RPP40: variants seen among roughly 807,000 people sequenced by gnomAD.
RPP40 encodes the protein ribonuclease P protein subunit p40.
A neutral mutation model predicts 42.5 loss-of-function variants in RPP40; 30 were observed. That is an observed-to-expected ratio of 0.71 (90% confidence interval 0.53 to 0.96). The LOEUF is 0.96. Among genes scored for constraint, RPP40 ranks in the 40% least tolerant of loss-of-function variants. RPP40 has a pLI of 0.00. For missense variants in RPP40, 426 were observed against 433.5 expected, an observed-to-expected ratio of 0.98 and a Z score of 0.15; for synonymous variants, 173 against 164.0, an observed-to-expected ratio of 1.05 and a Z score of -0.42.
chr6:4,995,182 C>A lies in RPP40; in HGVS notation c.988G>T (p.Gly330Cys), dbSNP rs150143939. 4.3e-6 allele frequency: 7 copies of A among 1,613,880 alleles called. No homozygotes were observed. The African/African-American group carries it at 8.0e-5, about 18-fold the overall frequency. Reference sequence around the variant, plus strand: ...AAATGTTCTCCTCCTTTTCGAAAACCATGTTCATTTTTTTCCCAAGAAACA... The same window carrying A: ...AAATGTTCTCCTCCTTTTCGAAAACAATGTTCATTTTTTTCCCAAGAAACA... ...SPVSWEKNEH[G>C]FRKGGEHLYN... is the part of the protein sequence containing the mutation. Residue 330 changes from glycine (G) to cysteine (C), a missense_variant, in exon 8 of 8, where the codon GGT becomes TGT. Gly to Cys is a radical substitution (Grantham distance 159). Coordinates refer to ENST00000380051, the MANE Select transcript of RPP40 (RefSeq NM_006638.4).
chr6:4,999,323 G>A (rs1476767240), intron 4 of RPP40, among the ~76,000 whole-genome samples: 8 of 117,464 alleles, frequency 6.8e-5, no homozygotes, highest in Admixed American at 1.1e-4. Context: ...TTTTTGAGAT[G>A]GACTCTCACT....
At chr6:4,999,244 T>G (rs898467738) in intron 4 of RPP40, among the ~76,000 whole-genome samples, 16 of 152,082 alleles carry the variant, frequency 1.1e-4, no homozygotes, top group African/African-American at 3.9e-4. Flanking sequence ...AGGAAATTCT[T>G]TATTAAGAAT....
In RPP40 at chr6:4,994,914, C is replaced by A; in HGVS notation, c.*164G>T. The A allele has an allele frequency of 1.6e-6, 1 of 625,338 alleles. No homozygotes were observed. Among genetic ancestry groups the A allele is most frequent in the Non-Finnish European group, 2.8e-6 (1 of 360,812 alleles). The allele number at this position is 625,338 out of a possible 1,614,324, so 38.7% of individuals were successfully genotyped here. A position where few individuals can be genotyped will look rare whatever the true frequency, so the allele number is the denominator to read the frequency against. On this transcript the variant is annotated 3_prime_UTR_variant, in exon 8 of 8. Transcript: ENST00000380051. ...GCTATTCACTGGACAGCAGGCCTTG[C>A]TGCCATCACAGATGGGTCTCAGGTG...
At chr6:4,998,950 A>G (rs1759463445) in intron 4 of RPP40, 109 bp from the exon 5 acceptor site, 1 of 700,516 alleles carries the variant, frequency 1.4e-6, no homozygotes, top group Non-Finnish European at 2.1e-6. Context: ...TTTTATGGAT[A>G]GTAAAATTAT....
At chr6:4,988,802 G>A in the RPP40 span, among the ~76,000 whole-genome samples, 1 of 152,266 alleles carries the variant, frequency 6.6e-6, no homozygotes, top group South Asian at 2.1e-4. Flanking sequence ...GTTTTTGTGT[G>A]AACATAAGTT....
At chr6:4,992,046 G>A (rs1759267560), downstream of RPP40, among the ~76,000 whole-genome samples, 1 of 152,120 alleles carries the variant, frequency 6.6e-6, no homozygotes, top group Non-Finnish European at 1.5e-5. Context: ...GCAGAAACGT[G>A]AGCCAATTAG....
chr6:5,001,329 C>T (rs1180438270), intron 2 of RPP40, among the ~76,000 whole-genome samples: 1 of 152,186 alleles, frequency 6.6e-6, no homozygotes, highest in Non-Finnish European at 1.5e-5. Context: ...AGAGTGGTGT[C>T]AGGCCTTGAA....
chr6:4,998,901 A>G (rs1759462405), intron 4 of RPP40, 60 bp from the exon 5 acceptor site: 31 of 1,079,064 alleles, frequency 2.9e-5, no homozygotes, highest in Non-Finnish European at 3.9e-5. Context: ...TCTACCATGG[A>G]AAAAGTGTTA....
intron 5 of RPP40, among the ~76,000 whole-genome samples, chr6:4,997,154 G>A (rs1053562612): frequency 6.6e-6 from 1 of 152,168 alleles, no homozygotes; most frequent in Non-Finnish European, 1.5e-5. Flanking sequence ...CGGTGTGATG[G>A]TTAATTTTAG....
chr6:4,991,982 C>T (rs1343312151), downstream of RPP40, among the ~76,000 whole-genome samples: 1 of 152,108 alleles, frequency 6.6e-6, no homozygotes, highest in Non-Finnish European at 1.5e-5. Flanking sequence ...ATTGAGTTTT[C>T]CTGAGGCCTC....
chr6:5,003,726 T>G, intron 1 of RPP40, 154 bp downstream of exon 1: 1 of 958,132 alleles, frequency 1.0e-6, no homozygotes, highest in Non-Finnish European at 1.5e-6. Context: ...CTTAGAGCAG[T>G]TAAGAGACTA....
chr6:5,000,796 CAGCATGCAGAAGACCA>C lies in RPP40; in HGVS notation c.269-181_269-166del, dbSNP rs1290139289. On this transcript the variant is annotated intron_variant, in intron 2 of 7. Transcript: ENST00000380051. Reference sequence around the variant, plus strand: ...CCAAACATCTGCTAAGGGTAAGCTGCAGCATGCAGAAGACCAAGCATGCAGAAGACCAAGCATGCAG... The same window carrying C: ...CCAAACATCTGCTAAGGGTAAGCTGCAGCATGCAGAAGACCAAGCATGCAG... 1.9e-4 allele frequency among the ~76,000 whole-genome samples: 29 copies of C among 152,000 alleles called. 1 individual carries two copies. Among genetic ancestry groups the C allele is most frequent in the Non-Finnish European group, 3.7e-4 (25 of 67,992 alleles).
chr6:5,000,743 C>T, intron 2 of RPP40, 112 bp from the exon 3 acceptor site: 1 of 713,652 alleles, frequency 1.4e-6, no homozygotes, highest in Non-Finnish European at 2.5e-6. Flanking sequence ...AGGTCAGTTT[C>T]TACCCCTGCT....
At chr6:4,989,324 T>C in the RPP40 span, among the ~76,000 whole-genome samples, 1,049 of 152,328 alleles carry the variant, frequency 6.9e-3, 10 homozygotes, top group Admixed American at 0.01. Flanking sequence ...ACTGTTGCTT[T>C]AGAATAACTC....
Position 4,999,021 on chromosome 6 carries a change from T to C in RPP40, c.434-180A>G, listed in dbSNP as rs76265368. 3.3e-5 allele frequency among the ~76,000 whole-genome samples: 5 copies of C among 152,348 alleles called. No homozygotes were observed. The East Asian group carries it at 9.6e-4, about 29-fold the overall frequency. On this transcript the variant is annotated intron_variant, in intron 4 of 7. Transcript: ENST00000380051. ...AAATAAGATCCCTTTGGTGGGCACTTCTAACCTTGAGAGCTAATAAAAACA... is the reference window on the plus strand; with the variant it reads ...AAATAAGATCCCTTTGGTGGGCACTCCTAACCTTGAGAGCTAATAAAAACA...
At chr6:5,001,315 TCA>T (rs1296427352) in intron 2 of RPP40, among the ~76,000 whole-genome samples, 11 of 152,294 alleles carry the variant, frequency 7.2e-5, no homozygotes, top group Admixed American at 2.0e-4. Context: ...TCCACGTAAT[TCA>T]CAGAGTGGTG....
At chr6:5,003,776 G>C in intron 1 of RPP40, 104 bp downstream of exon 1, 1 of 1,383,526 alleles carries the variant, frequency 7.2e-7, no homozygotes, top group Non-Finnish European at 9.6e-7. Context: ...GCCCCTCCGC[G>C]TACCGCCGGC....
At chr6:4,995,392 T>TA in intron 7 of RPP40, 116 bp from the exon 8 acceptor site, 1 of 741,406 alleles carries the variant, frequency 1.3e-6, no homozygotes, top group South Asian at 2.0e-5. Flanking sequence ...GCTTAGATCT[T>TA]AGCTTTAATT....
chr6:4,996,128 A>G, intron 6 of RPP40, 43 bp from the exon 7 acceptor site: 1 of 1,607,048 alleles, frequency 6.2e-7, no homozygotes, highest in Non-Finnish European at 8.5e-7. Context: ...ACACATGTAT[A>G]TCCATCACAT....
Sources: gnomAD v4.1 joint callset for allele counts (sites outside exome capture counted in the v4.1 genomes callset) on GRCh38, gnomAD v4.1.1 for gene constraint, MANE v1.5 for transcripts, NCBI Gene and HGNC (gene_info 2026-07-23, HGNC 2026-07-21) for gene names.